SLC41A2: variants seen among roughly 807,000 people sequenced by gnomAD.
SLC41A2 encodes solute carrier family 41 member 2.
A neutral mutation model predicts 58.3 loss-of-function variants in SLC41A2; 32 were observed. The ratio of observed to expected loss-of-function variants is 0.55; its 90% CI spans 0.41 to 0.74. The LOEUF (loss-of-function observed/expected upper bound fraction) is 0.74, where lower values mean the gene tolerates loss of function less well. Among genes scored for constraint, SLC41A2 ranks in the 30% least tolerant of loss-of-function variants. SLC41A2 has a pLI of 0.00. For synonymous variants in SLC41A2, 190 were observed against 235.0 expected (o/e 0.81, Z 1.75); for missense variants, 514 against 680.6 (o/e 0.76, Z 2.72).
intron 10 of SLC41A2, among the ~76,000 whole-genome samples, chr12:104,820,658 CCAGA>C (rs1016426444): frequency 1.3e-5 from 2 of 149,494 alleles, no homozygotes; most frequent in Admixed American, 1.3e-4. Context: ...TTTTCTTTTT[CCAGA>C]CAGAGTTTCG....
chr12:104,947,547 T>TA (rs1456465694), intron 1 of SLC41A2, among the ~76,000 whole-genome samples: 9 of 152,072 alleles, frequency 5.9e-5, no homozygotes, highest in Non-Finnish European at 4.4e-5. Context: ...ATTTTCTATT[T>TA]AAAAAATCAA....
chr12:104,918,232 G>C (rs557371705), intron 2 of SLC41A2, among the ~76,000 whole-genome samples: 1 of 151,828 alleles, frequency 6.6e-6, no homozygotes, highest in East Asian at 1.9e-4. Flanking sequence ...GTGGAATCTG[G>C]TAATACCTAT....
At chr12:104,850,501 C>G (rs2042759483) in intron 8 of SLC41A2, among the ~76,000 whole-genome samples, 1 of 152,174 alleles carries the variant, frequency 6.6e-6, no homozygotes, top group Non-Finnish European at 1.5e-5. Context: ...TTGGCATTCG[C>G]TGCATTCTAA....
intron 10 of SLC41A2, among the ~76,000 whole-genome samples, chr12:104,827,822 T>C (rs955204052): frequency 1.3e-5 from 2 of 152,126 alleles, no homozygotes; most frequent in African/African-American, 2.4e-5. Flanking sequence ...ATCGTCCATA[T>C]TCTAACGGCA....
At chr12:104,905,984 G>C (rs2045829843) in intron 3 of SLC41A2, among the ~76,000 whole-genome samples, 1 of 152,236 alleles carries the variant, frequency 6.6e-6, no homozygotes, top group Non-Finnish European at 1.5e-5. Flanking sequence ...GGGACTGAAG[G>C]GCTCCTCTAA....
In SLC41A2 at chr12:104,916,900, G is replaced by A. The variant is rs1485812018; in HGVS notation, c.556-7138C>T. ...AAGAAAACCTAGGCATTACCATTCA[G>A]GACATAGGCGTGGGCAAGGACTTCA... On this transcript the variant is annotated intron_variant, in intron 2 of 10. Coordinates refer to ENST00000258538, the MANE Select transcript of SLC41A2 (RefSeq NM_001352171.3). Among the ~76,000 whole-genome samples, 4 of 151,644 alleles carry A rather than the reference G, an allele frequency of 2.6e-5. No homozygotes were observed. The South Asian group carries it at 8.3e-4, about 32-fold the overall frequency.
At chr12:104,937,501 C>T (rs1265778911) in intron 1 of SLC41A2, among the ~76,000 whole-genome samples, 1 of 152,164 alleles carries the variant, frequency 6.6e-6, no homozygotes, top group Non-Finnish European at 1.5e-5. Flanking sequence ...AGCCTAGGAG[C>T]GATAGGCCAT....
chr12:104,821,313 G>C (rs1322020439), intron 10 of SLC41A2, among the ~76,000 whole-genome samples: 2 of 151,510 alleles, frequency 1.3e-5, no homozygotes, highest in Non-Finnish European at 2.9e-5. Flanking sequence ...AATTCCCAAG[G>C]AGTCCATGAC....
chr12:104,890,224 C>T (rs2044884836), intron 4 of SLC41A2, among the ~76,000 whole-genome samples: 1 of 152,032 alleles, frequency 6.6e-6, no homozygotes, highest in Non-Finnish European at 1.5e-5. Flanking sequence ...AACAGAAGAG[C>T]CAGGACTAAA....
At chr12:104,821,924 A>T (rs71468232) in intron 10 of SLC41A2, among the ~76,000 whole-genome samples, 1,926 of 152,346 alleles carry the variant, frequency 0.013, 38 homozygotes, top group Non-Finnish European at 0.017. Context: ...TTAGAATTTT[A>T]AAAGATATCA....
intron 10 of SLC41A2, among the ~76,000 whole-genome samples, chr12:104,806,123 T>C (rs945296700): frequency 1.3e-5 from 2 of 152,224 alleles, no homozygotes; most frequent in Non-Finnish European, 2.9e-5. Context: ...TGCAGGTTTG[T>C]TACGTATGTA....
intron 2 of SLC41A2, among the ~76,000 whole-genome samples, chr12:104,914,185 T>C (rs2046211899): frequency 6.6e-6 from 1 of 152,196 alleles, no homozygotes; most frequent in South Asian, 2.1e-4. Context: ...ACAAAAAGAA[T>C]ACCTAACAAT....
At chr12:104,918,000 AAT>A (rs1039026508) in intron 2 of SLC41A2, among the ~76,000 whole-genome samples, 8 of 147,810 alleles carry the variant, frequency 5.4e-5, no homozygotes, top group South Asian at 4.2e-4. Flanking sequence ...ATATATATAA[AAT>A]ATATATATAT....
At chr12:104,870,232 T>C (rs1010689724) in intron 6 of SLC41A2, among the ~76,000 whole-genome samples, 4 of 152,182 alleles carry the variant, frequency 2.6e-5, no homozygotes, top group East Asian at 3.9e-4. Context: ...GAAACAGAGA[T>C]TGGAGTCATA....
intron 4 of SLC41A2, among the ~76,000 whole-genome samples, chr12:104,892,005 A>C (rs943678727): frequency 3.3e-5 from 5 of 152,178 alleles, no homozygotes; most frequent in Non-Finnish European, 7.3e-5. Flanking sequence ...TCTATAATAA[A>C]AACTATAAAA....
intron 1 of SLC41A2, among the ~76,000 whole-genome samples, chr12:104,954,441 T>C (rs12311404): frequency 5.3e-4 from 81 of 152,352 alleles, no homozygotes; most frequent in African/African-American, 1.8e-3. Context: ...GATATCTCCA[T>C]AGCGATTCCC....
Position 104,866,445 on chromosome 12 carries a change from T to C in SLC41A2, c.1162A>G (p.Met388Val), listed in dbSNP as rs2043460383. Residue 388 changes from methionine (M) to valine (V), a missense_variant, in exon 7 of 11, where the codon ATG (methionine) becomes GTG (valine). Around this residue, in one of 3 missense-constraint regions of SLC41A2, gnomAD observed 50 missense variants for 104.5 expected, o/e 0.48. Coordinates refer to ENST00000258538, the MANE Select transcript of SLC41A2 (RefSeq NM_001352171.3). ...HSGWEPVITA[M>V]VISSIGGLIL... ...TTTAATACTAACCTACTTATAACCA[T>C]AGCTGTTATGACAGGCTCCCAGCCT... is the stretch of plus-strand genomic sequence containing the variant. The C allele has an allele frequency of 6.2e-7, 1 of 1,612,234 alleles. No individual in the cohort carries two copies. The highest frequency in any genetic ancestry group is 8.5e-7 in the Non-Finnish European group (1 of 1,179,252).
At chr12:104,899,377 C>T (rs749124577) in intron 3 of SLC41A2, among the ~76,000 whole-genome samples, 3 of 151,984 alleles carry the variant, frequency 2.0e-5, no homozygotes, top group African/African-American at 4.8e-5. Flanking sequence ...GGTTAAAAAC[C>T]AGACAGTGTA....
chr12:104,836,955 T>G (rs2042232951), intron 10 of SLC41A2, among the ~76,000 whole-genome samples: 1 of 152,218 alleles, frequency 6.6e-6, no homozygotes, highest in South Asian at 2.1e-4. Flanking sequence ...ATCTGTACTG[T>G]AGGAATGGCA....
Sources: gnomAD v4.1 joint callset for allele counts (sites outside exome capture counted in the v4.1 genomes callset) on GRCh38, gnomAD v4.1.1 for gene constraint, gnomAD v4.1.1 regional missense constraint, MANE v1.5 for transcripts, NCBI Gene and HGNC (gene_info 2026-07-23, HGNC 2026-07-21) for gene names.